Variants in TRAF4 observed in about 807,000 individuals in gnomAD.
The protein encoded by TRAF4 is TNF receptor associated factor 4.
In TRAF4, 9 loss-of-function variants were observed where a neutral mutation model predicts 47.3. The ratio of observed to expected loss-of-function variants is 0.19; its 90% CI spans 0.11 to 0.33. The LOEUF is 0.33. Ranked by LOEUF, TRAF4 falls within the 10% of genes least tolerant of loss-of-function variation. The probability of loss-of-function intolerance (pLI) is 1.00; values close to 1 mark genes in which losing one functional copy is unlikely to be tolerated. For missense variants in TRAF4, 448 were observed against 620.3 expected (o/e 0.72, Z 2.95); for synonymous variants, 236 against 236.9 (o/e 1.00, Z 0.04).
chr17:28,744,561 C>T (rs2034479268), intron 1 of TRAF4: 1 of 312,352 alleles, frequency 3.2e-6, no homozygotes, highest in Non-Finnish European at 6.0e-6. Flanking sequence ...CGGCCTCAGC[C>T]TTGAACTTTG....
chr17:28,746,692 C>G (rs879377445), intron 1 of TRAF4: 1 of 152,726 alleles, frequency 6.5e-6, no homozygotes, highest in Admixed American at 6.5e-5. Flanking sequence ...GCATGCCTTT[C>G]CTCCCCTTTT....
Position 28,749,724 on chromosome 17 carries a change from C to T in TRAF4, c.*147C>T, listed in dbSNP as rs2034573319. On this transcript the variant is annotated 3_prime_UTR_variant, in exon 7 of 7. Coordinates refer to ENST00000262395, the MANE Select transcript of TRAF4 (RefSeq NM_004295.4). ...TCCTCCCTCCCCCAGCCACCACCCTCAGGTGCCTCCAATTGGTGCTTCAGC... is the reference window on the plus strand; with the variant it reads ...TCCTCCCTCCCCCAGCCACCACCCTTAGGTGCCTCCAATTGGTGCTTCAGC... 4 of 1,340,806 alleles carry T rather than the reference C, an allele frequency of 3.0e-6. No homozygotes were observed. In the East Asian group the frequency reaches 7.5e-5, roughly 25 times the overall value. The allele number at this position is 1,340,806 out of a possible 1,614,324, so 83.1% of individuals were successfully genotyped here.
intron 2 of TRAF4, chr17:28,747,563 C>T (rs2034534419): frequency 3.4e-6 from 2 of 584,930 alleles, no homozygotes; most frequent in East Asian, 2.8e-5. Flanking sequence ...CAGTATCCCT[C>T]CACCAGGGGA....
intron 4 of TRAF4, 22 bp downstream of exon 4, chr17:28,748,200 G>A (rs2034545525): frequency 6.2e-7 from 1 of 1,613,494 alleles, no homozygotes; most frequent in Non-Finnish European, 8.5e-7. Context: ...CTGGCTGAAT[G>A]TGGAGGAGGG....
intron 6 of TRAF4, 121 bp from the exon 7 acceptor site, chr17:28,748,822 CCT>C (rs763946245): frequency 2.0e-6 from 3 of 1,476,538 alleles, no homozygotes; most frequent in Non-Finnish European, 2.7e-6. Context: ...TTCCTAACAC[CCT>C]CTGTCTTCCT....
Position 28,748,370 on chromosome 17 carries a change from C to T in TRAF4, c.571C>T (p.Arg191Cys), listed in dbSNP as rs1193588932. ...AQHATSECPKRTQPCTYCTKE... is the reference protein window; with the variant it reads ...AQHATSECPKCTQPCTYCTKE... Reference sequence around the variant, plus strand: ...GCATGCCACCTCTGAGTGCCCCAAGCGCACTCAGCCCTGCACCTACTGCAC... The same window carrying T: ...GCATGCCACCTCTGAGTGCCCCAAGTGCACTCAGCCCTGCACCTACTGCAC... The change falls in exon 5 of 7, where the codon CGC becomes TGC. Residue 191 changes from arginine to cysteine, a missense_variant. Physicochemically the swap from Arg to Cys is radical, Grantham distance 180. Transcript: ENST00000262395. The T allele has an allele frequency of 1.9e-6, 3 of 1,613,440 alleles. No homozygotes were observed. The highest frequency in any genetic ancestry group is 2.5e-6 in the Non-Finnish European group (3 of 1,179,866).
chr17:28,744,288 GGGGC>G, intron 1 of TRAF4, 33 bp downstream of exon 1: 1 of 1,503,080 alleles, frequency 6.7e-7, no homozygotes, highest in Non-Finnish European at 8.9e-7. Flanking sequence ...CAGCGGGGGC[GGGGC>G]GGGGCGGGGG....
At position 28,750,655 on chromosome 17, in the gene TRAF4, C is replaced by G. The variant is rs958013673; in HGVS notation, c.*1078C>G. ...GGCACTTGGATTTTCTCCTGTCTCT[C>G]ATCGGCTTTTCTTAACGGGCCTCAG... is the stretch of plus-strand genomic sequence containing the variant. On this transcript the variant is annotated 3_prime_UTR_variant, in exon 7 of 7. Coordinates refer to ENST00000262395, the MANE Select transcript of TRAF4 (RefSeq NM_004295.4). 1.4e-5 allele frequency: 2 copies of G among 146,340 alleles called. No individual in the cohort carries two copies. Among genetic ancestry groups the G allele is most frequent in the African/African-American group, 2.5e-5 (1 of 40,000 alleles). 9.1% of individuals were successfully genotyped at this position (146,340 alleles called of 1,614,324 possible).
Position 28,749,717 on chromosome 17 carries a change from C to G in TRAF4, c.*140C>G, listed in dbSNP as rs1357351737. 2.9e-5 allele frequency: 41 copies of G among 1,415,402 alleles called. No homozygotes were observed. In the East Asian group the frequency reaches 7.9e-4, roughly 27 times the overall value. 87.7% of individuals were successfully genotyped at this position (1,415,402 alleles called of 1,614,324 possible). On this transcript the variant is annotated 3_prime_UTR_variant, in exon 7 of 7. Coordinates refer to ENST00000262395, the MANE Select transcript of TRAF4 (RefSeq NM_004295.4). The stretch of plus-strand genomic sequence containing the variant: ...TACCCCATCCTCCCTCCCCCAGCCA[C>G]CACCCTCAGGTGCCTCCAATTGGTG...
At position 28,750,925 on chromosome 17, in the gene TRAF4, TTTG is replaced by T. The variant is rs1348500785; in HGVS notation, c.*1353_*1355del. On this transcript the variant is annotated 3_prime_UTR_variant, in exon 7 of 7. Transcript: ENST00000262395. ...GGTGAAATGCGGCTCACCTCCCAGATTTGTTGTAAAGATTAAATGAACTGGTCA... is the reference window on the plus strand; with the variant it reads ...GGTGAAATGCGGCTCACCTCCCAGATTTGTAAAGATTAAATGAACTGGTCA... 2.6e-5 allele frequency: 4 copies of T among 152,144 alleles called. No homozygotes were observed. The highest frequency in any genetic ancestry group is 9.7e-5 in the African/African-American group (4 of 41,428). 9.4% of individuals were successfully genotyped at this position (152,144 alleles called of 1,614,324 possible).
Position 28,747,253 on chromosome 17 carries a change from G to A in TRAF4, c.184G>A (p.Asp62Asn). 6.2e-7 allele frequency: 1 copy of A among 1,613,754 alleles called. No individual in the cohort carries two copies. Among genetic ancestry groups the A allele is most frequent in the Non-Finnish European group, 8.5e-7 (1 of 1,179,838 alleles). ...FKCPEDQLPL[D>N]YAKIYPDPEL... ...GTGCCCTGAGGACCAGCTTCCTCTGGACTATGCCAAGGTGAGTCCACACTG... is the reference window on the plus strand; with the variant it reads ...GTGCCCTGAGGACCAGCTTCCTCTGAACTATGCCAAGGTGAGTCCACACTG... Residue 62 changes from aspartate (D) to asparagine (N), a missense_variant, in exon 2 of 7, where the codon GAC becomes AAC. Transcript: ENST00000262395.
At position 28,749,458 on chromosome 17, in the gene TRAF4, C is replaced by G; in HGVS notation, c.1294C>G (p.Leu432Val). 3 of 1,613,952 alleles carry G rather than the reference C, an allele frequency of 1.9e-6. No individual in the cohort carries two copies. Among genetic ancestry groups the G allele is most frequent in the Non-Finnish European group, 2.5e-6 (3 of 1,180,036 alleles). Reference protein sequence around the residue: ...TWRGSLDESSLGFGYPKFISH... With the variant: ...TWRGSLDESSVGFGYPKFISH... ...GCGGGGCTCCCTGGATGAGAGTTCT[C>G]TGGGCTTTGGTTATCCCAAGTTCAT... Residue 432 changes from leucine (L) to valine (V), a missense_variant, in exon 7 of 7, where the codon CTG becomes GTG. Coordinates refer to ENST00000262395, the MANE Select transcript of TRAF4 (RefSeq NM_004295.4).
Position 28,748,126 on chromosome 17 carries a change from G to A in TRAF4, c.410G>A (p.Arg137Gln), listed in dbSNP as rs755915336. ...CACTTGCAGCATGACTGCCCCAAGC[G>A]GCGCCTCAAGTGCGAGTTTTGTGGC... ...PAHLQHDCPK[R>Q]RLKCEFCGCD... is the part of the protein sequence containing the mutation. The change falls in exon 4 of 7, where the codon CGG becomes CAG. Residue 137 changes from arginine to glutamine, a missense_variant. Arg to Gln is a conservative substitution (Grantham distance 43). Transcript: ENST00000262395. 7 of 1,614,026 alleles carry A rather than the reference G, an allele frequency of 4.3e-6. No individual in the cohort carries two copies. Among genetic ancestry groups the A allele is most frequent in the Non-Finnish European group, 5.9e-6 (7 of 1,180,040 alleles).
At position 28,750,468 on chromosome 17, in the gene TRAF4, C is replaced by T. The variant is rs2034585587; in HGVS notation, c.*891C>T. The stretch of plus-strand genomic sequence containing the variant: ...TTGAAAAGAACTGTCAAGTGAAATA[C>T]TTTTTAGCACAGTAACTGGCTTTGT... On this transcript the variant is annotated 3_prime_UTR_variant, in exon 7 of 7. Transcript: ENST00000262395. 6.6e-6 allele frequency: 1 copy of T among 152,524 alleles called. No homozygotes were observed. The highest frequency in any genetic ancestry group is 1.5e-5 in the Non-Finnish European group (1 of 68,290). 9.4% of individuals were successfully genotyped at this position (152,524 alleles called of 1,614,324 possible).
chr17:28,746,278 C>T (rs551831611), intron 1 of TRAF4, among the ~76,000 whole-genome samples: 11 of 152,326 alleles, frequency 7.2e-5, no homozygotes, highest in African/African-American at 2.6e-4. Context: ...ATTGCTCTGC[C>T]TGAGCCATGC....
In TRAF4 at chr17:28,750,072, A is replaced by T. The variant is rs1377862133; in HGVS notation, c.*495A>T. On this transcript the variant is annotated 3_prime_UTR_variant, in exon 7 of 7. Transcript: ENST00000262395. ...TGATTTTTAATAAATCCGGAATTGT[A>T]TTTATTAATTTGCTTCCAGCCTGAC... 1 of 577,280 alleles carries T rather than the reference A, an allele frequency of 1.7e-6. No homozygotes were observed. Among genetic ancestry groups the T allele is most frequent in the African/African-American group, 1.9e-5 (1 of 53,180 alleles). 35.8% of individuals were successfully genotyped at this position (577,280 alleles called of 1,614,324 possible).
Position 28,748,983 on chromosome 17 carries a change from T to C in TRAF4, c.819T>C (p.Ser273=), listed in dbSNP as rs768583293. The C allele has an allele frequency of 6.2e-7, 1 of 1,612,704 alleles. No individual in the cohort carries two copies. The highest frequency in any genetic ancestry group is 2.2e-5 in the East Asian group (1 of 44,848). Reference sequence around the variant, plus strand: ...CAATGGCACGGCATGTGGAGGAGAGTGTGAAGCCACATCTGGCCATGATGT... The same window carrying C: ...CAATGGCACGGCATGTGGAGGAGAGCGTGAAGCCACATCTGGCCATGATGT... ...KLAMARHVEE[S]VKPHLAMMCA... The change falls in exon 7 of 7, where the codon AGT becomes AGC. Residue 273 remains serine, a synonymous_variant. Transcript: ENST00000262395.
At position 28,749,850 on chromosome 17, in the gene TRAF4, G is replaced by T; in HGVS notation, c.*273G>T. On this transcript the variant is annotated 3_prime_UTR_variant, in exon 7 of 7. Coordinates refer to ENST00000262395, the MANE Select transcript of TRAF4 (RefSeq NM_004295.4). The stretch of plus-strand genomic sequence containing the variant: ...TTGGGTAGGGCAGACATGCCTTGGT[G>T]CCGGTCACACTCTACACGGACTGAG... The T allele has an allele frequency of 1.4e-6, 1 of 707,840 alleles. No homozygotes were observed. The allele number at this position is 707,840 out of a possible 1,614,324, so 43.8% of individuals were successfully genotyped here.
Position 28,744,044 on chromosome 17 carries a change from C to G in TRAF4, c.-69C>G, listed in dbSNP as rs965635113. On this transcript the variant is annotated 5_prime_UTR_variant, in exon 1 of 7. Transcript: ENST00000262395. The stretch of plus-strand genomic sequence containing the variant: ...CCGCCCGGAGCCGGGAGCGCCGCTC[C>G]AGCGAGGCGCGGGCTGTGGGGCCGC... 5 of 1,088,826 alleles carry G rather than the reference C, an allele frequency of 4.6e-6. No homozygotes were observed. The highest frequency in any genetic ancestry group is 5.6e-6 in the Non-Finnish European group (5 of 899,508). The allele number at this position is 1,088,826 out of a possible 1,614,324, so 67.4% of individuals were successfully genotyped here. A position where few individuals can be genotyped will look rare whatever the true frequency, so the allele number is the denominator to read the frequency against.
Sources: gnomAD v4.1 joint callset for allele counts (sites outside exome capture counted in the v4.1 genomes callset) on GRCh38, gnomAD v4.1.1 for gene constraint, MANE v1.5 for transcripts, NCBI Gene and HGNC (gene_info 2026-07-23, HGNC 2026-07-21) for gene names.